SLC6A4: variants seen among roughly 807,000 people sequenced by gnomAD.
The protein encoded by SLC6A4 is sodium-dependent serotonin transporter.
A neutral mutation model predicts 73.4 loss-of-function variants in SLC6A4; 22 were observed. The observed-to-expected ratio is 0.30, with a 90% CI of 0.21 to 0.43. The LOEUF (loss-of-function observed/expected upper bound fraction) is 0.43, where lower values mean the gene tolerates loss of function less well. Ranked by LOEUF, SLC6A4 falls within the 20% of genes least tolerant of loss-of-function variation. The pLI is 1.00. For synonymous variants in SLC6A4, 270 were observed against 315.5 expected (o/e 0.86, Z 1.53); for missense variants, 593 against 808.5 (o/e 0.73, Z 3.23).
At position 30,210,499 on chromosome 17, in the gene SLC6A4, G is replaced by A; in HGVS notation, c.1449+16C>T. The A allele has an allele frequency of 3.1e-6, 5 of 1,611,008 alleles. No homozygotes were observed. Among genetic ancestry groups the A allele is most frequent in the Non-Finnish European group, 4.2e-6 (5 of 1,178,458 alleles). On this transcript the variant is annotated intron_variant, in intron 11 of 14. Coordinates refer to ENST00000650711, the MANE Select transcript of SLC6A4 (RefSeq NM_001045.6). ...CTAGGGGAGGCCAACTCAAAGCTGA[G>A]GGGCATGATACTCACAAAAGTCAGG...
At chr17:30,233,933 T>TTTC (rs1178751745) in intron 1 of SLC6A4, among the ~76,000 whole-genome samples, 1 of 152,132 alleles carries the variant, frequency 6.6e-6, no homozygotes, top group African/African-American at 2.4e-5. Flanking sequence ...GTTACCTGTG[T>TTTC]TTCTGTTTGG....
intron 8 of SLC6A4, 79 bp downstream of exon 8, chr17:30,215,532 G>A (rs1291682085): frequency 5.0e-6 from 6 of 1,201,072 alleles, no homozygotes; most frequent in Non-Finnish European, 6.2e-6. Context: ...GAGGCCGTCG[G>A]TCCAATCACC....
At position 30,211,467 on chromosome 17, in the gene SLC6A4, G is replaced by A. The variant is rs764821809; in HGVS notation, c.1205-43C>T. 2 of 1,208,290 alleles carry A rather than the reference G, an allele frequency of 1.7e-6. No individual in the cohort carries two copies. Among genetic ancestry groups the A allele is most frequent in the Non-Finnish European group, 2.5e-6 (2 of 811,220 alleles). 74.8% of individuals were successfully genotyped at this position (1,208,290 alleles called of 1,614,324 possible). On this transcript the variant is annotated intron_variant, in intron 9 of 14. Coordinates refer to ENST00000650711, the MANE Select transcript of SLC6A4 (RefSeq NM_001045.6). The surrounding 1 kb of genome is among the most constrained non-coding windows in gnomAD (Gnocchi z 4.0). ...GAGGAGGAGGTGGTTGACAAGACCT[G>A]TCCTACAAAGATGTCACAGAGGAAA...
intron 8 of SLC6A4, among the ~76,000 whole-genome samples, chr17:30,214,961 TC>T (rs1172381556): frequency 6.6e-6 from 1 of 151,014 alleles, no homozygotes; most frequent in Non-Finnish European, 1.5e-5. Context: ...TTTCTTTCCT[TC>T]CTTCTTTCTT....
intron 14 of SLC6A4, among the ~76,000 whole-genome samples, chr17:30,202,197 C>T (rs538059467): frequency 1.3e-5 from 2 of 152,134 alleles, no homozygotes; most frequent in East Asian, 1.9e-4. Flanking sequence ...CTAAATTTTG[C>T]GTAAGATCTC....
intron 1 of SLC6A4, among the ~76,000 whole-genome samples, chr17:30,226,528 T>C (rs1314401107): frequency 6.6e-6 from 1 of 152,096 alleles, no homozygotes; most frequent in Non-Finnish European, 1.5e-5. Context: ...GGTGAAATCC[T>C]GTCTCTACTA....
In SLC6A4 at chr17:30,221,887, G is replaced by A. The variant is rs781056801; in HGVS notation, c.72C>T (p.Asn24=). The change falls in exon 3 of 15, where the codon AAC becomes AAT. Residue 24 remains asparagine (N), a synonymous_variant. Transcript: ENST00000650711. ...ACEDGEDCQE[N]GVLQKVVPTP... ...TGGGAACAACCTTCTGTAGAACTCCGTTTTCCTGACAATCTTCTCCATCTT... is the reference window on the plus strand; with the variant it reads ...TGGGAACAACCTTCTGTAGAACTCCATTTTCCTGACAATCTTCTCCATCTT... 9.3e-6 allele frequency: 15 copies of A among 1,614,056 alleles called. No individual in the cohort carries two copies. The highest frequency in any genetic ancestry group is 6.7e-5 in the East Asian group (3 of 44,896).
At chr17:30,198,622 TA>T in intron 14 of SLC6A4, 92 bp from the exon 15 acceptor site, 1 of 698,064 alleles carries the variant, frequency 1.4e-6, no homozygotes, top group Non-Finnish European at 2.5e-6. Context: ...AAAGCTTAAA[TA>T]ACACTTTAAT....
intron 13 of SLC6A4, 43 bp from the exon 14 acceptor site, chr17:30,203,382 T>C (rs374949216): frequency 6.5e-7 from 1 of 1,530,216 alleles, no homozygotes; most frequent in Non-Finnish European, 9.0e-7. Context: ...CTTAACAATA[T>C]CCACTCAGAT....
At chr17:30,234,219 T>C (rs1199316313) in intron 1 of SLC6A4, among the ~76,000 whole-genome samples, 1 of 152,020 alleles carries the variant, frequency 6.6e-6, no homozygotes, top group Non-Finnish European at 1.5e-5. Flanking sequence ...AACAAGGAGA[T>C]TGAAAAAAAT....
chr17:30,221,884 T>A lies in SLC6A4; in HGVS notation c.75A>T (p.Gly25=). 6.2e-7 allele frequency: 1 copy of A among 1,614,170 alleles called. No individual in the cohort carries two copies. The highest frequency in any genetic ancestry group is 1.1e-5 in the South Asian group (1 of 91,074). Residue 25 remains glycine (G), a synonymous_variant, in exon 3 of 15, where the codon GGA becomes GGT. Transcript: ENST00000650711. ...CEDGEDCQEN[G]VLQKVVPTPG... ...GGGTGGGAACAACCTTCTGTAGAAC[T>A]CCGTTTTCCTGACAATCTTCTCCAT...
chr17:30,207,708 A>C, intron 13 of SLC6A4, 24 bp downstream of exon 13: 1 of 1,481,378 alleles, frequency 6.8e-7, no homozygotes, highest in Non-Finnish European at 9.4e-7. Context: ...CAGGGCAAGG[A>C]GGAGAAGGGA....
At position 30,210,497 on chromosome 17, in the gene SLC6A4, G is replaced by A; in HGVS notation, c.1449+18C>T. 6.2e-7 allele frequency: 1 copy of A among 1,610,790 alleles called. No homozygotes were observed. The highest frequency in any genetic ancestry group is 1.1e-5 in the South Asian group (1 of 90,348). ...CCCTAGGGGAGGCCAACTCAAAGCT[G>A]AGGGGCATGATACTCACAAAAGTCA... is the stretch of plus-strand genomic sequence containing the variant. On this transcript the variant is annotated intron_variant, in intron 11 of 14. Coordinates refer to ENST00000650711, the MANE Select transcript of SLC6A4 (RefSeq NM_001045.6).
chr17:30,209,194 C>T lies in SLC6A4; in HGVS notation c.1498G>A (p.Ala500Thr), dbSNP rs1366793189. 3.7e-6 allele frequency: 6 copies of T among 1,613,648 alleles called. No homozygotes were observed. Among genetic ancestry groups the T allele is most frequent in the Non-Finnish European group, 5.1e-6 (6 of 1,179,804 alleles). ...KLLEEYATGP[A>T]VLTVALIEAV... ...TCGATCAGCGCGACAGTGAGCACTGCGGGCCCCGTGGCATACTCCTCCAGC... is the reference window on the plus strand; with the variant it reads ...TCGATCAGCGCGACAGTGAGCACTGTGGGCCCCGTGGCATACTCCTCCAGC... The change falls in exon 12 of 15, where the codon GCA becomes ACA. Residue 500 changes from alanine to threonine, a missense_variant. Physicochemically the swap from Ala to Thr is moderately conservative, Grantham distance 58 (BLOSUM62 0). Transcript: ENST00000650711.
chr17:30,213,420 C>T (rs572840383), intron 8 of SLC6A4, among the ~76,000 whole-genome samples: 6 of 151,106 alleles, frequency 4.0e-5, no homozygotes, highest in East Asian at 2.0e-4. Context: ...CTCCTGCTTC[C>T]GCCTCCCAAG....
chr17:30,212,336 G>A (rs1906413523), intron 9 of SLC6A4, among the ~76,000 whole-genome samples: 1 of 152,200 alleles, frequency 6.6e-6, no homozygotes, highest in Non-Finnish European at 1.5e-5. Flanking sequence ...GTCCCTGCAT[G>A]GCCTGAACAC....
intron 3 of SLC6A4, among the ~76,000 whole-genome samples, chr17:30,219,887 G>A (rs982727338): frequency 4.6e-5 from 7 of 152,174 alleles, no homozygotes; most frequent in Non-Finnish European, 8.8e-5. Context: ...CAGTCACACT[G>A]GGTAAACCCG....
chr17:30,207,667 A>AT, intron 13 of SLC6A4, 65 bp downstream of exon 13: 1 of 1,119,794 alleles, frequency 8.9e-7, no homozygotes, highest in Non-Finnish European at 1.4e-6. Flanking sequence ...ATTACAATTC[A>AT]TTTTTTATGT....
chr17:30,212,744 G>A lies in SLC6A4; in HGVS notation c.1200C>T (p.Asp400=), dbSNP rs148279474. ...GCATAGAACCCGAGGTCCTACCTGC[G>A]TCTTTGGCCACCTCAGACACATCTT... ...RNEDVSEVAK[D]AGPSLLFITY... The change falls in exon 9 of 15, where the codon GAC becomes GAT. Residue 400 remains aspartate (D), a synonymous_variant. Transcript: ENST00000650711. 117 of 1,614,026 alleles carry A rather than the reference G, an allele frequency of 7.2e-5. No homozygotes were observed. The highest frequency in any genetic ancestry group is 1.1e-4 in the East Asian group (5 of 44,904).
Sources: allele counts gnomAD v4.1 joint callset (sites outside exome capture counted in the v4.1 genomes callset), GRCh38; gene constraint gnomAD v4.1.1; non-coding constraint Gnocchi (gnomAD v3.1); transcripts MANE v1.5; gene names NCBI Gene and HGNC (gene_info 2026-07-23, HGNC 2026-07-21).